Variants in PKD1 observed in about 807,000 individuals in gnomAD.
PKD1 encodes the protein polycystin 1, transient receptor potential channel interacting.
Under a neutral mutation model 361.7 loss-of-function variants are expected in PKD1, and 81 were observed. The observed-to-expected ratio is 0.22, with a 90% CI of 0.19 to 0.27. PKD1 has a LOEUF of 0.27. Among genes scored for constraint, PKD1 ranks in the 10% least tolerant of loss-of-function variants. The probability of loss-of-function intolerance (pLI) is 1.00; values close to 1 mark genes in which losing one functional copy is unlikely to be tolerated. For synonymous variants in PKD1, 3,615 were observed against 2,818.3 expected (o/e 1.28, Z -8.95); for missense variants, 6,399 against 6,118.3 (o/e 1.05, Z -1.53).
At position 2,108,988 on chromosome 16, in the gene PKD1, G is replaced by A. The variant is rs753999046; in HGVS notation, c.6179C>T (p.Ala2060Val). ...NRTLVLEVQDAVQYVALQSGP... is the reference protein window; with the variant it reads ...NRTLVLEVQDVVQYVALQSGP... ...GCTCTGCAGGGCCACATACTGGACG[G>A]CGTCCTGAACCTCCAGCACCAGCGT... The change falls in exon 15 of 46, where the codon GCC becomes GTC. Residue 2060 changes from alanine to valine, a missense_variant. Transcript: ENST00000262304. The A allele has an allele frequency of 1.2e-6, 2 of 1,610,208 alleles. No individual in the cohort carries two copies.
At chr16:2,099,551 T>A in intron 30 of PKD1, 93 bp downstream of exon 30, 1 of 1,250,112 alleles carries the variant, frequency 8.0e-7, no homozygotes, top group Non-Finnish European at 1.1e-6. Flanking sequence ...CGCCTTTCCC[T>A]CTGGCTGCAG....
In PKD1 at chr16:2,111,318, C is replaced by G. The variant is rs1302510984; in HGVS notation, c.3849G>C (p.Leu1283=). 1 of 1,608,990 alleles carries G rather than the reference C, an allele frequency of 6.2e-7. No homozygotes were observed. Among genetic ancestry groups the G allele is most frequent in the South Asian group, 1.1e-5 (1 of 90,908 alleles). ...AGACCAGCACGTGCAGGCTCCGGGC[C>G]AGGTGGCCGGCGGGGCTGGCCGCAC... is the stretch of plus-strand genomic sequence containing the variant. ...TVGAASPAGH[L]ARSLHVLVFV... Residue 1283 remains leucine (L), a synonymous_variant, in exon 15 of 46, where the codon CTG becomes CTC. Transcript: ENST00000262304.
In PKD1 at chr16:2,089,769, T is replaced by G; in HGVS notation, c.12870A>C (p.Thr4290=). 1 of 1,595,926 alleles carries G rather than the reference T, an allele frequency of 6.3e-7. No individual in the cohort carries two copies. Among genetic ancestry groups the G allele is most frequent in the Non-Finnish European group, 8.5e-7 (1 of 1,172,864 alleles). ...GGACCTTGTTCTTGGCCCGAAGGGG[T>G]GTCCTGCTGGGGCCAGTGGCCAGGT... is the stretch of plus-strand genomic sequence containing the variant. ...GVDLATGPSR[T]PLRAKNKVHP... Residue 4290 remains threonine, a synonymous_variant, in exon 46 of 46, where the codon ACA becomes ACC. Transcript: ENST00000262304.
rs747425659 is a variant in PKD1, at chr16:2,090,925, G to T, written c.11962C>A (p.Arg3988Ser). The change falls in exon 43 of 46, where the codon CGT becomes AGT. Residue 3988 changes from arginine (R) to serine (S), a missense_variant. Physicochemically the swap from Arg to Ser is moderately radical, Grantham distance 110. Transcript: ENST00000262304. ...DQVAQLSSAA[R>S]GLAASLLFLL... ...AAGAGCAGCGAGGCCGCCAGGCCACGGGCTGCGGAGCTCAGCTGCGCCACC... is the reference window on the plus strand; with the variant it reads ...AAGAGCAGCGAGGCCGCCAGGCCACTGGCTGCGGAGCTCAGCTGCGCCACC... 6.3e-7 allele frequency: 1 copy of T among 1,582,610 alleles called. No homozygotes were observed. The highest frequency in any genetic ancestry group is 8.5e-7 in the Non-Finnish European group (1 of 1,171,162).
rs1168888674 is a variant in PKD1, at chr16:2,118,523, A to G, written c.530-61T>C. The G allele has an allele frequency of 7.1e-7, 1 of 1,411,950 alleles. No homozygotes were observed. Among genetic ancestry groups the G allele is most frequent in the East Asian group, 2.5e-5 (1 of 40,362 alleles). 87.5% of individuals were successfully genotyped at this position (1,411,950 alleles called of 1,614,324 possible). A position where few individuals can be genotyped will look rare whatever the true frequency, so the allele number is the denominator to read the frequency against. ...CCTCCTGGCTCCACCCCACGCCCCC[A>G]CATCCGCCCGCCGCACTCACAGGCT... is the stretch of plus-strand genomic sequence containing the variant. On this transcript the variant is annotated intron_variant, in intron 4 of 45. Transcript: ENST00000262304. The surrounding 1 kb of genome is among the most constrained non-coding windows in gnomAD (Gnocchi z 6.0).
chr16:2,106,224 C>T lies in PKD1; in HGVS notation c.7570G>A (p.Glu2524Lys), dbSNP rs2092330855. 2 of 1,610,256 alleles carry T rather than the reference C, an allele frequency of 1.2e-6. No homozygotes were observed. Among genetic ancestry groups the T allele is most frequent in the African/African-American group, 2.7e-5 (2 of 74,964 alleles). The part of the protein sequence containing the change: ...LRRCRQGHCE[E>K]FCVYKGSLSS... ...AGGCTGCCCTTGTAGACACAGAACT[C>T]CTCGCAGTGGCCCTGGCGACAGCGC... Residue 2524 changes from glutamate (E) to lysine (K), a missense_variant, in exon 19 of 46, where the codon GAG becomes AAG. By Grantham distance (56) the Glu-to-Lys change is moderately conservative (BLOSUM62 1). Transcript: ENST00000262304. The surrounding 1 kb of genome is among the most constrained non-coding windows in gnomAD (Gnocchi z 6.5).
intron 1 of PKD1, among the ~76,000 whole-genome samples, chr16:2,131,547 C>T (rs1029688014): frequency 1.1e-4 from 17 of 149,704 alleles, no homozygotes; most frequent in African/African-American, 3.8e-4. Context: ...AAATAAAATA[C>T]ATCACTCACA....
intron 11 of PKD1, 21 bp downstream of exon 11, chr16:2,114,149 T>A (rs1428836245): frequency 6.3e-7 from 1 of 1,598,470 alleles, no homozygotes; most frequent in Non-Finnish European, 8.5e-7. Context: ...GGGCTGGTGG[T>A]GGAGCCTCGG....
At position 2,135,540 on chromosome 16, in the gene PKD1, G is replaced by A. The variant is rs893580977; in HGVS notation, c.150C>T (p.Asn50=). 5.8e-5 allele frequency: 67 copies of A among 1,153,210 alleles called. No individual in the cohort carries two copies. Among genetic ancestry groups the A allele is most frequent in the Admixed American group, 1.9e-4 (4 of 20,912 alleles). 71.4% of individuals were successfully genotyped at this position (1,153,210 alleles called of 1,614,324 possible). The change falls in exon 1 of 46, where the codon AAC becomes AAT. Residue 50 remains asparagine (N), a synonymous_variant. Coordinates refer to ENST00000262304, the MANE Select transcript of PKD1 (RefSeq NM_001009944.3). ...GCGTCCGCAGCCCGCGGCCCGAGCAGTTGACGCGGCAGGCGGCGCCGGGCG... is the reference window on the plus strand; with the variant it reads ...GCGTCCGCAGCCCGCGGCCCGAGCAATTGACGCGGCAGGCGGCGCCGGGCG... The part of the protein sequence containing the change: ...GPAPGAACRV[N]CSGRGLRTLG...
chr16:2,116,153 C>A (rs1455440231), intron 8 of PKD1, 35 bp from the exon 9 acceptor site: 2 of 1,552,082 alleles, frequency 1.3e-6, no homozygotes. Flanking sequence ...CTCCACAGAC[C>A]CCATCCCAGC....
Position 2,093,077 on chromosome 16 carries a change from A to G in PKD1, c.11033T>C (p.Met3678Thr). ...HGMLRSLLVY[M>T]LFLLVTLLAS... ...CAGCAGGGTCACCAGCAGAAAAAGC[A>G]TGTACACCAGGAGGCTCTGGTGGAC... Residue 3678 changes from methionine (M) to threonine (T), a missense_variant, in exon 38 of 46, where the codon ATG (methionine) becomes ACG (threonine). Physicochemically the swap from Met to Thr is moderately conservative, Grantham distance 81. Transcript: ENST00000262304. 6.2e-7 allele frequency: 1 copy of G among 1,612,742 alleles called. No individual in the cohort carries two copies. The highest frequency in any genetic ancestry group is 8.5e-7 in the Non-Finnish European group (1 of 1,179,972).
chr16:2,088,769 G>A lies in PKD1; in HGVS notation c.*958C>T, dbSNP rs534381681. On this transcript the variant is annotated 3_prime_UTR_variant, in exon 46 of 46. Coordinates refer to ENST00000262304, the MANE Select transcript of PKD1 (RefSeq NM_001009944.3). ...TTGGTGCGGGGGTTGGGGGGGTGTC[G>A]AGGCTCTAGAAGCGGCCATGCCCAC... 6.8e-5 allele frequency: 71 copies of A among 1,050,678 alleles called. No individual in the cohort carries two copies. The East Asian group carries it at 1.5e-3, about 23-fold the overall frequency. 65.1% of individuals were successfully genotyped at this position (1,050,678 alleles called of 1,614,324 possible).
In PKD1 at chr16:2,090,877, C is replaced by T. The variant is rs1318886496; in HGVS notation, c.12003+7G>A. The T allele has an allele frequency of 1.9e-6, 3 of 1,605,142 alleles. No homozygotes were observed. The highest frequency in any genetic ancestry group is 1.1e-5 in the South Asian group (1 of 91,002). Reference sequence around the variant, plus strand: ...CCCAGCCCCGCGCCCACCGGCCCAGCCCTCACCTTGACCAAAAGCAGGAAG... The same window carrying T: ...CCCAGCCCCGCGCCCACCGGCCCAGTCCTCACCTTGACCAAAAGCAGGAAG... On this transcript the variant is annotated splice_region_variant and intron_variant, in intron 43 of 45. Coordinates refer to ENST00000262304, the MANE Select transcript of PKD1 (RefSeq NM_001009944.3).
intron 34 of PKD1, among the ~76,000 whole-genome samples, chr16:2,095,695 C>T (rs548768169): frequency 1.7e-4 from 26 of 152,384 alleles, no homozygotes; most frequent in South Asian, 1.7e-3. Flanking sequence ...AAACCCAAGC[C>T]TCCGACCTGG....
chr16:2,112,730 G>A (rs1754798250), intron 13 of PKD1, 58 bp downstream of exon 13: 1 of 1,556,068 alleles, frequency 6.4e-7, no homozygotes, highest in Non-Finnish European at 8.7e-7. Context: ...CCTCGGCTGA[G>A]GCTGGGGCTG....
rs2854581 is a variant in PKD1, at chr16:2,093,848, C to G, written c.10784G>C (p.Ser3595Thr). Residue 3595 changes from serine to threonine, a missense_variant, in exon 36 of 46, where the codon AGC becomes ACC. Ser to Thr is a moderately conservative substitution (Grantham distance 58). Coordinates refer to ENST00000262304, the MANE Select transcript of PKD1 (RefSeq NM_001009944.3). ...SVAWLLSSSA[S>T]FLASFLGWEP... ...CCAGCCGAGGAATGAGGCCAGGAAG[C>G]TGGCGCTGCTGGACAGGAGCCACGC... 1 of 1,564,610 alleles carries G rather than the reference C, an allele frequency of 6.4e-7. No individual in the cohort carries two copies. The highest frequency in any genetic ancestry group is 8.6e-7 in the Non-Finnish European group (1 of 1,160,882).
chr16:2,092,062 G>A lies in PKD1; in HGVS notation c.11396C>T (p.Ala3799Val), dbSNP rs371394349. The A allele has an allele frequency of 7.4e-6, 12 of 1,612,684 alleles. No individual in the cohort carries two copies. The highest frequency in any genetic ancestry group is 4.5e-5 in the East Asian group (2 of 44,888). Residue 3799 changes from alanine (A) to valine (V), a missense_variant, in exon 40 of 46, where the codon GCG becomes GTG. Coordinates refer to ENST00000262304, the MANE Select transcript of PKD1 (RefSeq NM_001009944.3). ...HNGSGTWAYS[A>V]PDLLGAWSWG... ...CTCTGCTCACCCCAGCAGATCCGGC[G>A]CTGAATAGGCCCACGTCCCCGAGCC... is the stretch of plus-strand genomic sequence containing the variant.
intron 1 of PKD1, among the ~76,000 whole-genome samples, chr16:2,127,188 C>T (rs530580115): frequency 8.1e-4 from 123 of 152,330 alleles, no homozygotes; most frequent in African/African-American, 2.7e-3. Flanking sequence ...CAGCGGGGTC[C>T]GCACATCAGG....
At position 2,090,924 on chromosome 16, in the gene PKD1, C is replaced by T. The variant is rs778220452; in HGVS notation, c.11963G>A (p.Arg3988His). The T allele has an allele frequency of 5.7e-6, 9 of 1,583,250 alleles. No individual in the cohort carries two copies. Among genetic ancestry groups the T allele is most frequent in the East Asian group, 2.3e-5 (1 of 43,980 alleles). ...GAAGAGCAGCGAGGCCGCCAGGCCACGGGCTGCGGAGCTCAGCTGCGCCAC... is the reference window on the plus strand; with the variant it reads ...GAAGAGCAGCGAGGCCGCCAGGCCATGGGCTGCGGAGCTCAGCTGCGCCAC... ...DQVAQLSSAA[R>H]GLAASLLFLL... Residue 3988 changes from arginine to histidine, a missense_variant, in exon 43 of 46, where the codon CGT becomes CAT. Coordinates refer to ENST00000262304, the MANE Select transcript of PKD1 (RefSeq NM_001009944.3).
Sources: allele counts gnomAD v4.1 joint callset (sites outside exome capture counted in the v4.1 genomes callset), GRCh38; gene constraint gnomAD v4.1.1; non-coding constraint Gnocchi (gnomAD v3.1); transcripts MANE v1.5; gene names NCBI Gene and HGNC (gene_info 2026-07-23, HGNC 2026-07-21).